Variants in AGBL4 observed in about 807,000 individuals in gnomAD.
The protein encoded by AGBL4 is cytosolic carboxypeptidase 6.
Under a neutral mutation model 66.4 loss-of-function variants are expected in AGBL4, and 58 were observed. The observed-to-expected ratio is 0.87, with a 90% CI of 0.71 to 1.09. The LOEUF is 1.09. Among genes scored for constraint, AGBL4 ranks in the 50% least tolerant of loss-of-function variants. The pLI is 0.00. For synonymous variants in AGBL4, 234 were observed against 222.9 expected (o/e 1.05, Z -0.44); for missense variants, 579 against 631.0 (o/e 0.92, Z 0.88).
intron 3 of AGBL4, among the ~76,000 whole-genome samples, chr1:49,666,385 G>A (rs755240585): frequency 2.2e-4 from 33 of 151,942 alleles, no homozygotes; most frequent in Non-Finnish European, 3.5e-4. Flanking sequence ...GGCCAACATG[G>A]TGAAACCCTG....
chr1:48,701,420 AC>A (rs1401498738), intron 6 of AGBL4, among the ~76,000 whole-genome samples: 67 of 150,868 alleles, frequency 4.4e-4, no homozygotes, highest in Non-Finnish European at 9.1e-4. Context: ...TACATGTTCT[AC>A]CTAATACCAG....
intron 4 of AGBL4, among the ~76,000 whole-genome samples, chr1:49,231,229 G>A (rs142840504): frequency 3.3e-5 from 5 of 152,208 alleles, no homozygotes; most frequent in East Asian, 3.9e-4. Context: ...TTGCTCAGTC[G>A]GTCAACAAGT....
chr1:49,483,705 A>T (rs1325598034), intron 3 of AGBL4, among the ~76,000 whole-genome samples: 2 of 152,032 alleles, frequency 1.3e-5, no homozygotes, highest in Admixed American at 1.3e-4. Flanking sequence ...TTCTTGAGTA[A>T]CGCTCCGCAA....
chr1:49,439,848 G>A (rs549567031), intron 3 of AGBL4, among the ~76,000 whole-genome samples: 2 of 152,142 alleles, frequency 1.3e-5, no homozygotes, highest in South Asian at 2.1e-4. Context: ...GTGAGACCTC[G>A]TGATCACGTA....
chr1:48,761,525 G>A, intron 6 of AGBL4: 1 of 1,511,844 alleles, frequency 6.6e-7, no homozygotes, highest in Non-Finnish European at 8.9e-7. Flanking sequence ...GAGTCATTAT[G>A]AGTTTAGAAT....
At chr1:49,666,772 A>G (rs1161307883) in intron 3 of AGBL4, among the ~76,000 whole-genome samples, 1 of 152,104 alleles carries the variant, frequency 6.6e-6, no homozygotes, top group Non-Finnish European at 1.5e-5. Flanking sequence ...CAAGAACTCT[A>G]TTAAATAGGT....
At chr1:48,968,763 A>G (rs1227428359) in intron 5 of AGBL4, among the ~76,000 whole-genome samples, 1 of 152,076 alleles carries the variant, frequency 6.6e-6, no homozygotes, top group East Asian at 1.9e-4. Context: ...TTCCAGTCCA[A>G]GTCAATTGCA....
intron 8 of AGBL4, among the ~76,000 whole-genome samples, chr1:48,642,660 T>C (rs1184620916): frequency 1.3e-5 from 2 of 152,136 alleles, no homozygotes; most frequent in Non-Finnish European, 2.9e-5. Flanking sequence ...ACCAAAAGAT[T>C]ATTTTTCTCT....
intron 11 of AGBL4, chr1:48,584,465 C>A (rs1485848202): frequency 6.6e-6 from 1 of 152,276 alleles, no homozygotes; most frequent in East Asian, 1.9e-4. Context: ...CACCTGTAAT[C>A]TCAGCACTTT....
chr1:48,748,543 C>G (rs551192851), intron 6 of AGBL4, among the ~76,000 whole-genome samples: 124 of 152,288 alleles, frequency 8.1e-4, no homozygotes, highest in Middle Eastern at 6.8e-3. Context: ...ACTAGGAAAT[C>G]TTCATAAGGA....
At chr1:49,829,583 T>C (rs1348898792) in intron 2 of AGBL4, among the ~76,000 whole-genome samples, 1 of 152,192 alleles carries the variant, frequency 6.6e-6, no homozygotes, top group Non-Finnish European at 1.5e-5. Context: ...CCATTTTTAC[T>C]GGAAATCTTT....
At chr1:49,569,659 T>A (rs969103628) in intron 3 of AGBL4, among the ~76,000 whole-genome samples, 2 of 152,308 alleles carry the variant, frequency 1.3e-5, no homozygotes, top group African/African-American at 2.4e-5. Context: ...ATGGATCAAG[T>A]GAGTGCTTTC....
intron 1 of AGBL4, among the ~76,000 whole-genome samples, chr1:50,012,957 A>T (rs984827980): frequency 6.6e-6 from 1 of 152,206 alleles, no homozygotes; most frequent in African/African-American, 2.4e-5. Flanking sequence ...AAGTAATGTG[A>T]CCCTGGAATC....
chr1:48,581,358 C>A (rs937947264), intron 11 of AGBL4, among the ~76,000 whole-genome samples: 1 of 152,188 alleles, frequency 6.6e-6, no homozygotes, highest in Non-Finnish European at 1.5e-5. Flanking sequence ...TAAGAGCCAG[C>A]ATTTTCTTAT....
intron 1 of AGBL4, among the ~76,000 whole-genome samples, chr1:49,950,005 T>C (rs547060542): frequency 3.7e-5 from 3 of 81,576 alleles, no homozygotes; most frequent in Admixed American, 1.5e-4. Context: ...TGTGTATATA[T>C]ATATACACAC....
chr1:49,110,101 A>T (rs556450994), intron 4 of AGBL4, among the ~76,000 whole-genome samples: 2 of 152,188 alleles, frequency 1.3e-5, no homozygotes, highest in African/African-American at 2.4e-5. Context: ...TTGAAATCTA[A>T]TCCATTGATC....
chr1:49,789,267 A>C (rs1644535193), intron 2 of AGBL4, among the ~76,000 whole-genome samples: 1 of 152,156 alleles, frequency 6.6e-6, no homozygotes, highest in Admixed American at 6.5e-5. Flanking sequence ...GGATTTTTGC[A>C]TCAATGTTCA....
chr1:48,576,730 G>T (rs748998181), intron 11 of AGBL4, among the ~76,000 whole-genome samples: 2 of 152,094 alleles, frequency 1.3e-5, no homozygotes, highest in Non-Finnish European at 2.9e-5. Flanking sequence ...CAGTTCCCAG[G>T]GTCGTTGACA....
chr1:48,848,608 A>G (rs1223811344), intron 6 of AGBL4, among the ~76,000 whole-genome samples: 1 of 152,208 alleles, frequency 6.6e-6, no homozygotes, highest in Non-Finnish European at 1.5e-5. Flanking sequence ...ATTGAAATCG[A>G]TACCTGCAAA....
Sources: allele counts gnomAD v4.1 joint callset (sites outside exome capture counted in the v4.1 genomes callset), GRCh38; gene constraint gnomAD v4.1.1; transcripts MANE v1.5; gene names NCBI Gene and HGNC (gene_info 2026-07-23, HGNC 2026-07-21).